The following ROBO1 variants were observed in gnomAD, a reference collection of about 807,000 sequenced individuals.
The protein encoded by ROBO1 is roundabout guidance receptor 1, also known as roundabout homolog 1.
A neutral mutation model predicts 195.9 loss-of-function variants in ROBO1; 149 were observed. The ratio of observed to expected loss-of-function variants is 0.76; its 90% CI spans 0.67 to 0.87. ROBO1 has a LOEUF of 0.87. Ranked by LOEUF, ROBO1 falls within the 40% of genes least tolerant of loss-of-function variation. The pLI is 0.00. For missense variants in ROBO1, 1,933 were observed against 2,068.3 expected, an observed-to-expected ratio of 0.93 and a Z score of 1.27; for synonymous variants, 816 against 733.2, an observed-to-expected ratio of 1.11 and a Z score of -1.82.
intron 2 of ROBO1, among the ~76,000 whole-genome samples, chr3:79,221,051 G>A (rs1477968991): frequency 2.0e-5 from 3 of 151,972 alleles, no homozygotes; most frequent in East Asian, 3.9e-4. Flanking sequence ...AAAATCACCC[G>A]CAGCTGAGAA....
At chr3:79,470,086 T>C (rs905678650) in intron 2 of ROBO1, among the ~76,000 whole-genome samples, 9 of 152,192 alleles carry the variant, frequency 5.9e-5, no homozygotes, top group African/African-American at 2.2e-4. Context: ...TACTAAATCG[T>C]GCTGCTATAA....
intron 4 of ROBO1, among the ~76,000 whole-genome samples, chr3:78,858,564 C>CAA (rs554355096): frequency 1.2e-4 from 12 of 96,488 alleles, no homozygotes; most frequent in South Asian, 3.9e-4. Flanking sequence ...CCCTGTCTAC[C>CAA]AAAAAAAAAA....
At chr3:79,379,399 T>C (rs2036495146) in intron 2 of ROBO1, among the ~76,000 whole-genome samples, 1 of 152,136 alleles carries the variant, frequency 6.6e-6, no homozygotes, top group African/African-American at 2.4e-5. Context: ...TAATTCTCAG[T>C]TTTGGTGTGA....
At chr3:79,547,813 A>G (rs1942326272) in intron 2 of ROBO1, among the ~76,000 whole-genome samples, 4 of 152,176 alleles carry the variant, frequency 2.6e-5, no homozygotes, top group Admixed American at 2.0e-4. Context: ...AACTAATGCT[A>G]TCTAATGGAA....
At chr3:79,009,665 T>C (rs1469067300) in intron 3 of ROBO1, among the ~76,000 whole-genome samples, 2 of 152,206 alleles carry the variant, frequency 1.3e-5, no homozygotes, top group African/African-American at 2.4e-5. Flanking sequence ...TTGGCAGGAA[T>C]TATGTGAACC....
At chr3:79,109,644 TAAGA>T in intron 3 of ROBO1, among the ~76,000 whole-genome samples, 1 of 152,210 alleles carries the variant, frequency 6.6e-6, no homozygotes, top group East Asian at 1.9e-4. Context: ...GCGTTACACT[TAAGA>T]AATTGATATA....
chr3:78,632,827 T>C (rs939716583), intron 24 of ROBO1, among the ~76,000 whole-genome samples: 1 of 152,210 alleles, frequency 6.6e-6, no homozygotes, highest in African/African-American at 2.4e-5. Flanking sequence ...TAATCAAATA[T>C]TAAAATATTT....
intron 1 of ROBO1, among the ~76,000 whole-genome samples, chr3:79,685,526 G>A (rs924093372): frequency 1.1e-4 from 17 of 152,104 alleles, no homozygotes; most frequent in South Asian, 2.1e-4. Context: ...ATTGCACAAC[G>A]TCCTGGGATA....
intron 3 of ROBO1, among the ~76,000 whole-genome samples, chr3:79,051,281 C>T (rs2078692843): frequency 6.6e-6 from 1 of 152,168 alleles, no homozygotes; most frequent in Admixed American, 6.5e-5. Flanking sequence ...ATGAACATCT[C>T]TATGCAAATA....
chr3:78,812,162 G>T (rs9817612), intron 4 of ROBO1, among the ~76,000 whole-genome samples: 5,133 of 152,118 alleles, frequency 0.034, 283 homozygotes, highest in African/African-American at 0.12. Context: ...CCTAAACTAC[G>T]TCTCTGGCCT....
intron 2 of ROBO1, among the ~76,000 whole-genome samples, chr3:79,247,129 G>GTTTTTTTTTTTTTTTTTTTT (rs575917340): frequency 7.4e-6 from 1 of 134,808 alleles, no homozygotes; most frequent in African/African-American, 2.8e-5. Context: ...CCTGTTTACT[G>GTTTTTTTTTTTTTTTTTTTT]TTTTTTTTTT....
At chr3:79,643,004 G>T (rs1044594536) in intron 1 of ROBO1, among the ~76,000 whole-genome samples, 1 of 152,056 alleles carries the variant, frequency 6.6e-6, no homozygotes, top group Admixed American at 6.6e-5. Flanking sequence ...TGTTGTCAAG[G>T]CAGATTAACA....
chr3:78,669,662 G>A (rs947664595), intron 11 of ROBO1, among the ~76,000 whole-genome samples: 1 of 152,110 alleles, frequency 6.6e-6, no homozygotes, highest in Non-Finnish European at 1.5e-5. Context: ...GCTTTTGTTT[G>A]CATGTATAGT....
At chr3:79,245,130 A>G (rs2082600445) in intron 2 of ROBO1, among the ~76,000 whole-genome samples, 1 of 152,066 alleles carries the variant, frequency 6.6e-6, no homozygotes, top group African/African-American at 2.4e-5. Flanking sequence ...AAACCATTGG[A>G]TCTATTTAAC....
intron 3 of ROBO1, among the ~76,000 whole-genome samples, chr3:79,093,501 C>G (rs145812027): frequency 6.6e-6 from 1 of 151,798 alleles, no homozygotes; most frequent in South Asian, 2.1e-4. Flanking sequence ...CAGTACATGA[C>G]GAAAACAAAA....
intron 2 of ROBO1, among the ~76,000 whole-genome samples, chr3:79,357,106 A>G (rs1486014867): frequency 6.6e-6 from 1 of 152,122 alleles, no homozygotes; most frequent in Admixed American, 6.5e-5. Context: ...CATAATCATT[A>G]GTGTAAGGCC....
At chr3:79,707,398 G>A (rs183852855) in intron 1 of ROBO1, among the ~76,000 whole-genome samples, 18 of 151,978 alleles carry the variant, frequency 1.2e-4, no homozygotes, top group South Asian at 2.1e-4. Flanking sequence ...TCTTAGTAGC[G>A]TAGCTATACG....
intron 4 of ROBO1, among the ~76,000 whole-genome samples, chr3:78,774,456 G>A (rs1429945633): frequency 3.3e-5 from 5 of 151,902 alleles, no homozygotes; most frequent in East Asian, 1.9e-4. Context: ...GACTACAGGC[G>A]CCTGCCACCA....
Position 78,614,647 on chromosome 3 carries a change from C to A in ROBO1, c.4435+1G>T, listed in dbSNP as rs752250535. 1 of 1,613,330 alleles carries A rather than the reference C, an allele frequency of 6.2e-7. No homozygotes were observed. Among genetic ancestry groups the A allele is most frequent in the Non-Finnish European group, 8.5e-7 (1 of 1,179,568 alleles). ...GTTTTCATCCGTGTCAATGGACTCACCATCTGTGTAGGTTTCTCTGCGCAG... is the reference window on the plus strand; with the variant it reads ...GTTTTCATCCGTGTCAATGGACTCAACATCTGTGTAGGTTTCTCTGCGCAG... On this transcript the variant is annotated splice_donor_variant, in intron 28 of 30. Transcript: ENST00000464233. LOFTEE classifies it high-confidence loss of function.
Sources: gnomAD v4.1 joint callset for allele counts (sites outside exome capture counted in the v4.1 genomes callset) on GRCh38, gnomAD v4.1.1 for gene constraint, MANE v1.5 for transcripts, NCBI Gene and HGNC (gene_info 2026-07-23, HGNC 2026-07-21) for gene names.